DOCK1: variants seen among roughly 807,000 people sequenced by gnomAD.
DOCK1 encodes dedicator of cytokinesis protein 1.
DOCK1 carries 138 observed loss-of-function variants against 262.7 expected under a neutral mutation model. The ratio of observed to expected loss-of-function variants is 0.53; its 90% CI spans 0.46 to 0.61. The LOEUF is 0.61. Ranked by LOEUF, DOCK1 falls within the 20% of genes least tolerant of loss-of-function variation. The pLI is 0.00. For missense variants in DOCK1, 1,908 were observed against 2,370.7 expected (o/e 0.80, Z 4.05); for synonymous variants, 866 against 867.4 (o/e 1.00, Z 0.03).
intron 21 of DOCK1, among the ~76,000 whole-genome samples, chr10:127,047,091 G>A (rs972861697): frequency 6.6e-6 from 1 of 152,196 alleles, no homozygotes; most frequent in Non-Finnish European, 1.5e-5. Flanking sequence ...CTAGTTTTTG[G>A]AGAGTTGCAG....
intron 23 of DOCK1, among the ~76,000 whole-genome samples, chr10:127,078,389 G>A (rs1266652608): frequency 6.6e-6 from 1 of 151,988 alleles, no homozygotes; most frequent in African/African-American, 2.4e-5. Flanking sequence ...GGGCAACCTT[G>A]CATCCCAGGA....
At chr10:127,056,830 A>T (rs907865823) in intron 22 of DOCK1, among the ~76,000 whole-genome samples, 5 of 152,194 alleles carry the variant, frequency 3.3e-5, no homozygotes, top group African/African-American at 1.2e-4. Context: ...GAGACAACAA[A>T]TACTTCAATT....
chr10:127,286,654 G>A lies in DOCK1; in HGVS notation c.3044+29225G>A, dbSNP rs950713988. ...CAAATCTTAGGCATTATATCATGTC[G>A]TTCATAAATATTTCAGTTGTCATTC... On this transcript the variant is annotated intron_variant, in intron 29 of 51. Coordinates refer to ENST00000623213, the MANE Select transcript of DOCK1 (RefSeq NM_001290223.2). Among the ~76,000 whole-genome samples the A allele has an allele frequency of 7.9e-5, 12 of 151,916 alleles. 1 individual carries two copies. Among genetic ancestry groups the A allele is most frequent in the South Asian group, 4.2e-4 (2 of 4,818 alleles).
At position 127,031,640 on chromosome 10, in the gene DOCK1, T is replaced by G. The variant is rs760994731; in HGVS notation, c.1625-10T>G. On this transcript the variant is annotated splice_polypyrimidine_tract_variant and intron_variant, in intron 16 of 51. Coordinates refer to ENST00000623213, the MANE Select transcript of DOCK1 (RefSeq NM_001290223.2). Reference sequence around the variant, plus strand: ...AGCAATCATCAATTTTTTTGTTTTTTGTTTTACAGCTAAGGATAAATCTGA... The same window carrying G: ...AGCAATCATCAATTTTTTTGTTTTTGGTTTTACAGCTAAGGATAAATCTGA... The G allele has an allele frequency of 1.0e-5, 16 of 1,597,536 alleles. No individual in the cohort carries two copies. The South Asian group carries it at 1.8e-4, about 18-fold the overall frequency.
intron 31 of DOCK1, among the ~76,000 whole-genome samples, chr10:127,345,179 A>G (rs2063577558): frequency 6.6e-6 from 1 of 152,230 alleles, no homozygotes; most frequent in Non-Finnish European, 1.5e-5. Flanking sequence ...TTCTCAGAAC[A>G]TATCCCTGTC....
Position 127,433,385 on chromosome 10 carries a change from T to C in DOCK1, c.5017T>C (p.Ser1673Pro), listed in dbSNP as rs2069436711. The change falls in exon 48 of 52, where the codon TCC becomes CCC. Residue 1673 changes from serine (S) to proline (P), a missense_variant. By Grantham distance (74) the Ser-to-Pro change is moderately conservative. This residue lies in a region of DOCK1 where 383 missense variants were observed against 420.1 expected (regional missense o/e 0.91). Transcript: ENST00000623213. ...CCCTCTGTCTGTGGCCTCTGTCTCTTCCCTCTCATCGGACAGCACCCCTTC... is the reference window on the plus strand; with the variant it reads ...CCCTCTGTCTGTGGCCTCTGTCTCTCCCCTCTCATCGGACAGCACCCCTTC... ...SRPLSVASVS[S>P]LSSDSTPSRP... 3 of 1,613,926 alleles carry C rather than the reference T, an allele frequency of 1.9e-6. No homozygotes were observed. The highest frequency in any genetic ancestry group is 3.3e-5 in the Admixed American group (2 of 60,014).
chr10:127,353,592 G>C (rs1463252509), intron 31 of DOCK1, among the ~76,000 whole-genome samples: 29 of 152,180 alleles, frequency 1.9e-4, no homozygotes, highest in Admixed American at 1.9e-3. Flanking sequence ...CCTGGTTTAG[G>C]GCTGCGCTTA....
At chr10:127,210,302 C>T (rs1346444889) in intron 27 of DOCK1, among the ~76,000 whole-genome samples, 1 of 152,178 alleles carries the variant, frequency 6.6e-6, no homozygotes, top group Non-Finnish European at 1.5e-5. Flanking sequence ...GGAAGAATGG[C>T]CCCTGCTTGT....
chr10:127,320,988 C>G (rs766204726), intron 29 of DOCK1, among the ~76,000 whole-genome samples: 1 of 152,098 alleles, frequency 6.6e-6, no homozygotes, highest in Non-Finnish European at 1.5e-5. Flanking sequence ...AGCCTTCACT[C>G]ACTCTTCATC....
At chr10:127,328,634 G>A (rs1052373805) in intron 29 of DOCK1, among the ~76,000 whole-genome samples, 1 of 152,134 alleles carries the variant, frequency 6.6e-6, no homozygotes, top group Non-Finnish European at 1.5e-5. Flanking sequence ...CGGCAGGGAC[G>A]AGAGGGATGG....
At chr10:127,296,916 G>A (rs1194785063) in intron 29 of DOCK1, among the ~76,000 whole-genome samples, 1 of 152,216 alleles carries the variant, frequency 6.6e-6, no homozygotes, top group African/African-American at 2.4e-5. Context: ...TCAGTGGCTG[G>A]AGGTGGGACC....
intron 1 of DOCK1, among the ~76,000 whole-genome samples, chr10:126,969,273 C>T (rs935000433): frequency 2.6e-5 from 4 of 152,142 alleles, no homozygotes; most frequent in South Asian, 2.1e-4. Flanking sequence ...CCCAGGGGCT[C>T]GGGGAGGGGT....
chr10:127,313,907 G>T (rs750563492), intron 29 of DOCK1, among the ~76,000 whole-genome samples: 1 of 152,204 alleles, frequency 6.6e-6, no homozygotes, highest in East Asian at 1.9e-4. Flanking sequence ...CCGGGCCTGT[G>T]TGTGTTACAT....
intron 27 of DOCK1, among the ~76,000 whole-genome samples, chr10:127,215,066 C>T (rs920570705): frequency 9.2e-5 from 14 of 152,056 alleles, no homozygotes; most frequent in Non-Finnish European, 1.3e-4. Context: ...CACCCAGGGC[C>T]TCCCTTTGGT....
At chr10:127,214,984 G>C (rs1376705734) in intron 27 of DOCK1, among the ~76,000 whole-genome samples, 1 of 152,104 alleles carries the variant, frequency 6.6e-6, no homozygotes, top group East Asian at 1.9e-4. Context: ...TCCGCCTCAC[G>C]TGCAGGATGG....
chr10:127,004,769 G>GCCCCCCCCCCCC (rs1285670669), intron 10 of DOCK1, among the ~76,000 whole-genome samples: 2 of 14,268 alleles, frequency 1.4e-4, no homozygotes, highest in African/African-American at 2.5e-4. Context: ...CCCCTGCCCC[G>GCCCCCCCCCCCC]CCACCCCCCC....
chr10:127,007,968 A>C (rs1258814185), intron 10 of DOCK1, among the ~76,000 whole-genome samples: 1 of 152,226 alleles, frequency 6.6e-6, no homozygotes, highest in Non-Finnish European at 1.5e-5. Context: ...GCGGGAAAGC[A>C]AAAGTGTGAG....
chr10:127,194,838 T>G (rs11016714), intron 27 of DOCK1, among the ~76,000 whole-genome samples: 294 of 152,312 alleles, frequency 1.9e-3, no homozygotes, highest in Non-Finnish European at 3.2e-3. Context: ...TTCCCACTCT[T>G]GCAGTTTCAC....
chr10:126,913,032 T>C (rs1179860574), intron 1 of DOCK1, among the ~76,000 whole-genome samples: 1 of 151,824 alleles, frequency 6.6e-6, no homozygotes, highest in Non-Finnish European at 1.5e-5. Flanking sequence ...CTGGTGCTAC[T>C]GGACTCGAGG....
Sources: gnomAD v4.1 joint callset for allele counts (sites outside exome capture counted in the v4.1 genomes callset) on GRCh38, gnomAD v4.1.1 for gene constraint, gnomAD v4.1.1 regional missense constraint, MANE v1.5 for transcripts, NCBI Gene and HGNC (gene_info 2026-07-23, HGNC 2026-07-21) for gene names.